The following PADI3 variants were observed in gnomAD, a reference collection of about 807,000 sequenced individuals.
PADI3 encodes protein-arginine deiminase type-3.
Under a neutral mutation model 71.5 loss-of-function variants are expected in PADI3, and 53 were observed. The observed-to-expected ratio is 0.74, with a 90% CI of 0.59 to 0.93. The LOEUF is 0.93. PADI3 is among the 40% of genes least tolerant of loss of function. The pLI is 0.00. For missense variants in PADI3, 821 were observed against 868.0 expected (o/e 0.95, Z 0.68); for synonymous variants, 361 against 347.5 (o/e 1.04, Z -0.43).
At chr1:17,281,601 C>T (rs918559476) in intron 15 of PADI3, among the ~76,000 whole-genome samples, 3 of 152,090 alleles carry the variant, frequency 2.0e-5, no homozygotes, top group Non-Finnish European at 2.9e-5. Flanking sequence ...TGCAGGCGTG[C>T]ACCACCACGC....
At chr1:17,260,617 G>A (rs1395192627) in intron 2 of PADI3, among the ~76,000 whole-genome samples, 1 of 152,294 alleles carries the variant, frequency 6.6e-6, no homozygotes, top group Non-Finnish European at 1.5e-5. Context: ...CTAGAATTCA[G>A]TGCAGACCCC....
intron 3 of PADI3, 68 bp downstream of exon 3, chr1:17,262,273 G>C (rs191155669): frequency 5.2e-5 from 61 of 1,176,286 alleles, no homozygotes; most frequent in Non-Finnish European, 2.6e-5. Context: ...GTACAAAAGA[G>C]TATACGTTGA....
intron 1 of PADI3, among the ~76,000 whole-genome samples, chr1:17,250,758 T>C (rs2072956370): frequency 6.6e-6 from 1 of 152,182 alleles, no homozygotes. Context: ...CTGCGTGCCA[T>C]GGGGTGACTC....
intron 3 of PADI3, 113 bp downstream of exon 3, chr1:17,262,318 T>C (rs952508698): frequency 1.4e-6 from 1 of 734,580 alleles, no homozygotes; most frequent in Middle Eastern, 2.4e-4. Flanking sequence ...TCAAGACTTC[T>C]AGTTCCCCAA....
At position 17,271,145 on chromosome 1, in the gene PADI3, A is replaced by G; in HGVS notation, c.1014A>G (p.Pro338=). 6.2e-7 allele frequency: 1 copy of G among 1,613,568 alleles called. No individual in the cohort carries two copies. Among genetic ancestry groups the G allele is most frequent in the Non-Finnish European group, 8.5e-7 (1 of 1,180,002 alleles). Residue 338 remains proline, a synonymous_variant, in exon 9 of 16, where the codon CCA becomes CCG. Coordinates refer to ENST00000375460, the MANE Select transcript of PADI3 (RefSeq NM_016233.2). ...RKAGCKLTIC[P]QAENRNDRWI... ...CCGGCTGCAAGCTGACCATCTGCCCACAGGCCGAGAACCGCAACGACCGCT... is the reference window on the plus strand; with the variant it reads ...CCGGCTGCAAGCTGACCATCTGCCCGCAGGCCGAGAACCGCAACGACCGCT...
At chr1:17,278,909 A>G (rs1366797742) in intron 13 of PADI3, among the ~76,000 whole-genome samples, 3 of 152,052 alleles carry the variant, frequency 2.0e-5, no homozygotes, top group East Asian at 1.9e-4. Context: ...TTCCAACACA[A>G]CCCTGGAGCC....
At chr1:17,262,280 T>C in intron 3 of PADI3, 75 bp downstream of exon 3, 3 of 1,128,752 alleles carry the variant, frequency 2.7e-6, no homozygotes, top group Middle Eastern at 4.0e-4. Flanking sequence ...AGAGTATACG[T>C]TGAAAATTAA....
chr1:17,257,084 A>G (rs2977264), intron 1 of PADI3, among the ~76,000 whole-genome samples: 15,232 of 135,402 alleles, frequency 0.11, 1,410 homozygotes, highest in East Asian at 0.3. Context: ...ATGGAAGGCG[A>G]GTGCCTCAGG....
At chr1:17,251,960 G>A (rs952584000) in intron 1 of PADI3, among the ~76,000 whole-genome samples, 4 of 152,190 alleles carry the variant, frequency 2.6e-5, no homozygotes, top group Non-Finnish European at 4.4e-5. Context: ...CTTCCTGGAG[G>A]AGGGGCACCA....
chr1:17,265,729 C>A lies in PADI3; in HGVS notation c.408+9C>A. 6.2e-7 allele frequency: 1 copy of A among 1,613,590 alleles called. No individual in the cohort carries two copies. ...GGAACTTTGTAGACAAGGTAAGCAT[C>A]TCTGCCTGGGCCCAGGAAGCAGGAG... On this transcript the variant is annotated intron_variant, in intron 4 of 15. Transcript: ENST00000375460.
At chr1:17,249,709 CTTGAG>C (rs1358756181) in intron 1 of PADI3, among the ~76,000 whole-genome samples, 4 of 152,206 alleles carry the variant, frequency 2.6e-5, no homozygotes, top group Admixed American at 6.5e-5. Flanking sequence ...TCACAAGTCT[CTTGAG>C]TTAAGTTTTG....
rs868056117 is a variant in PADI3 at position 17,279,728 on chromosome 1, C to T, written c.1556-622C>T. 9.2e-5 allele frequency among the ~76,000 whole-genome samples: 14 copies of T among 152,316 alleles called. No individual in the cohort carries two copies. The South Asian group carries it at 2.1e-3, about 23-fold the overall frequency. On this transcript the variant is annotated intron_variant, in intron 13 of 15. Coordinates refer to ENST00000375460, the MANE Select transcript of PADI3 (RefSeq NM_016233.2). ...AAATGAGATGCTGAACCTGGGCACT[C>T]CCCTCGGGGCCTGCTCATGGTAAGC...
rs1341972188 is a variant in PADI3 at position 17,271,293 on chromosome 1, G to T, written c.1047+115G>T. Reference sequence around the variant, plus strand: ...GACCTGGGTGCTCCCCAGGGAACTTGCTGCCGTTTCTAATGTGAGACCTAG... The same window carrying T: ...GACCTGGGTGCTCCCCAGGGAACTTTCTGCCGTTTCTAATGTGAGACCTAG... On this transcript the variant is annotated intron_variant, in intron 9 of 15. Coordinates refer to ENST00000375460, the MANE Select transcript of PADI3 (RefSeq NM_016233.2). 12 of 845,132 alleles carry T rather than the reference G, an allele frequency of 1.4e-5. No individual in the cohort carries two copies. In the Admixed American group the frequency reaches 3.3e-4, roughly 23 times the overall value. 52.4% of individuals were successfully genotyped at this position (845,132 alleles called of 1,614,324 possible).
At chr1:17,276,395 AG>A in intron 11 of PADI3, 123 bp from the exon 12 acceptor site, 4 of 826,332 alleles carry the variant, frequency 4.8e-6, no homozygotes, top group African/African-American at 1.7e-5. Context: ...TGTTTATAAA[AG>A]TAATGCATGT....
chr1:17,271,761 T>C (rs1441675622), intron 9 of PADI3, among the ~76,000 whole-genome samples: 3 of 143,692 alleles, frequency 2.1e-5, no homozygotes, highest in African/African-American at 7.8e-5. Flanking sequence ...GGTCAGAGGA[T>C]CACCTGAGTT....
At chr1:17,267,066 G>A (rs771577033) in intron 5 of PADI3, among the ~76,000 whole-genome samples, 1 of 152,200 alleles carries the variant, frequency 6.6e-6, no homozygotes, top group Non-Finnish European at 1.5e-5. Context: ...CTGGAAATGA[G>A]CCACCTCGCC....
intron 10 of PADI3, among the ~76,000 whole-genome samples, 178 bp from the exon 11 acceptor site, chr1:17,274,457 T>C (rs1254822966): frequency 6.6e-6 from 1 of 152,248 alleles, no homozygotes; most frequent in East Asian, 1.9e-4. Flanking sequence ...TTGCCTGCTA[T>C]GCGTGCATGA....
intron 1 of PADI3, among the ~76,000 whole-genome samples, chr1:17,255,342 TC>T (rs2073014574): frequency 6.6e-6 from 1 of 152,180 alleles, no homozygotes; most frequent in Non-Finnish European, 1.5e-5. Context: ...GCAGTTGAGT[TC>T]TCCGGCTGGC....
intron 1 of PADI3, among the ~76,000 whole-genome samples, chr1:17,253,986 G>A (rs898709566): frequency 1.3e-5 from 2 of 152,304 alleles, no homozygotes; most frequent in Admixed American, 6.5e-5. Flanking sequence ...TGTCAACATC[G>A]GATTTTGTTT....
Sources: gnomAD v4.1 joint callset for allele counts (sites outside exome capture counted in the v4.1 genomes callset) on GRCh38, gnomAD v4.1.1 for gene constraint, MANE v1.5 for transcripts, NCBI Gene and HGNC (gene_info 2026-07-23, HGNC 2026-07-21) for gene names.